Variants in FXR2 observed in about 807,000 individuals in gnomAD.
FXR2 encodes the protein FMR1 autosomal homolog 2, also known as RNA-binding protein FXR2.
FXR2 carries 9 observed loss-of-function variants against 87.3 expected under a neutral mutation model. The ratio of observed to expected loss-of-function variants is 0.10; its 90% CI spans 0.06 to 0.18. FXR2 has a LOEUF of 0.18. Among genes scored for constraint, FXR2 ranks in the 10% least tolerant of loss-of-function variants. The probability of loss-of-function intolerance (pLI) is 1.00; values close to 1 mark genes in which losing one functional copy is unlikely to be tolerated. For missense variants in FXR2, 661 were observed against 893.6 expected (o/e 0.74, Z 3.32); for synonymous variants, 331 against 328.3 (o/e 1.01, Z -0.09).
chr17:7,614,227 G>A (rs1176125463), intron 1 of FXR2: 3 of 685,780 alleles, frequency 4.4e-6, no homozygotes, highest in Non-Finnish European at 8.0e-6. Context: ...TCATTCTCCC[G>A]GAGATGGGGG....
Position 7,610,019 on chromosome 17 carries a change from T to C in FXR2, c.82-3870A>G, listed in dbSNP as rs1378304157. 3.7e-5 allele frequency among the ~76,000 whole-genome samples: 5 copies of C among 135,086 alleles called. 1 individual carries two copies. Among genetic ancestry groups the C allele is most frequent in the Admixed American group, 3.2e-4 (4 of 12,664 alleles). The allele number at this position is 135,086 out of a possible 152,430, so 88.6% of individuals were successfully genotyped here. A position where few individuals can be genotyped will look rare whatever the true frequency, so the allele number is the denominator to read the frequency against. ...GTATATGTATACATATATATATACA[T>C]GTATATGTATACATGTATGTATATA... On this transcript the variant is annotated intron_variant, in intron 1 of 16. Transcript: ENST00000250113.
At chr17:7,597,648 A>G (rs1034935688) in intron 7 of FXR2, among the ~76,000 whole-genome samples, 2 of 152,104 alleles carry the variant, frequency 1.3e-5, no homozygotes, top group African/African-American at 4.8e-5. Context: ...ACCTCAGGCA[A>G]TCCACCTGCC....
intron 7 of FXR2, among the ~76,000 whole-genome samples, chr17:7,601,011 C>T (rs1236905065): frequency 1.3e-5 from 2 of 150,344 alleles, no homozygotes; most frequent in East Asian, 2.0e-4. Flanking sequence ...AAAACCCCAT[C>T]TTACTAATAA....
chr17:7,604,217 T>A (rs1020962628), intron 3 of FXR2, 137 bp from the exon 4 acceptor site: 2 of 668,806 alleles, frequency 3.0e-6, no homozygotes, highest in Non-Finnish European at 5.4e-6. Context: ...GGACTGCTTA[T>A]GCCCAGGAGT....
chr17:7,592,222 G>A lies in FXR2; in HGVS notation c.1926+32C>T. On this transcript the variant is annotated intron_variant, in intron 16 of 16. Coordinates refer to ENST00000250113, the MANE Select transcript of FXR2 (RefSeq NM_004860.4). The surrounding 1 kb of genome is among the most constrained non-coding windows in gnomAD (Gnocchi z 4.8). ...CCTGCCCCAGAGTAACAACAAAAAAGGGATGGGGTAAAGCACATCTTGCCT... is the reference window on the plus strand; with the variant it reads ...CCTGCCCCAGAGTAACAACAAAAAAAGGATGGGGTAAAGCACATCTTGCCT... 6.4e-7 allele frequency: 1 copy of A among 1,554,314 alleles called. No individual in the cohort carries two copies. The highest frequency in any genetic ancestry group is 2.3e-5 in the East Asian group (1 of 44,286).
rs371961861 is a variant in FXR2 at position 7,613,371 on chromosome 17, ACT to A, written c.81+1079_81+1080del. Reference sequence around the variant, plus strand: ...AATACCAACAGTCACACAAAGAAAAACTCTTGGGAGGCAAGAAAGGGCTCTCT... The same window carrying A: ...AATACCAACAGTCACACAAAGAAAAACTTGGGAGGCAAGAAAGGGCTCTCT... On this transcript the variant is annotated intron_variant, in intron 1 of 16. Coordinates refer to ENST00000250113, the MANE Select transcript of FXR2 (RefSeq NM_004860.4). Among the ~76,000 whole-genome samples the A allele has an allele frequency of 6.7e-3, 1,016 of 151,984 alleles. 20 individuals are homozygous for A. Among genetic ancestry groups the A allele is most frequent in the African/African-American group, 0.022 (908 of 41,400 alleles).
Position 7,592,473 on chromosome 17 carries a change from G to A in FXR2, c.1825+31C>T, listed in dbSNP as rs1461076579. On this transcript the variant is annotated intron_variant, in intron 15 of 16. Coordinates refer to ENST00000250113, the MANE Select transcript of FXR2 (RefSeq NM_004860.4). The surrounding 1 kb of genome is among the most constrained non-coding windows in gnomAD (Gnocchi z 4.8). ...GAGCATCCCATTCTCTCAGCTCTGA[G>A]GAAGGATTCTGGTGTCCAGAGTTGG... 3 of 1,598,770 alleles carry A rather than the reference G, an allele frequency of 1.9e-6. No homozygotes were observed. The highest frequency in any genetic ancestry group is 2.7e-5 in the African/African-American group (2 of 74,760).
intron 1 of FXR2, among the ~76,000 whole-genome samples, chr17:7,608,138 TA>T (rs1308942880): frequency 1.1e-4 from 17 of 151,748 alleles, no homozygotes; most frequent in African/African-American, 3.1e-4. Context: ...TTTTTTTTAA[TA>T]GAGACAGGGT....
At chr17:7,613,048 A>T (rs1284542434) in intron 1 of FXR2, among the ~76,000 whole-genome samples, 1 of 151,572 alleles carries the variant, frequency 6.6e-6, no homozygotes, top group Admixed American at 6.6e-5. Flanking sequence ...TAGCAACTGA[A>T]GTACAGGCAG....
intron 7 of FXR2, among the ~76,000 whole-genome samples, chr17:7,599,693 A>G (rs1446227007): frequency 6.6e-6 from 1 of 151,988 alleles, no homozygotes; most frequent in Non-Finnish European, 1.5e-5. Flanking sequence ...CCTGGCCAAC[A>G]TGGTGAAACC....
At chr17:7,611,105 C>T (rs1344075077) in intron 1 of FXR2, among the ~76,000 whole-genome samples, 2 of 151,904 alleles carry the variant, frequency 1.3e-5, no homozygotes, top group Admixed American at 6.6e-5. Flanking sequence ...AAGATTGCGC[C>T]CTGGACGGTG....
chr17:7,592,514 G>T lies in FXR2; in HGVS notation c.1815C>A (p.Asp605Glu). The T allele has an allele frequency of 6.2e-7, 1 of 1,613,792 alleles. No individual in the cohort carries two copies. Residue 605 changes from aspartate (D) to glutamate (E), a missense_variant, in exon 15 of 17, where the codon GAC (aspartate) becomes GAA (glutamate). Coordinates refer to ENST00000250113, the MANE Select transcript of FXR2 (RefSeq NM_004860.4). The surrounding 1 kb of genome is among the most constrained non-coding windows in gnomAD (Gnocchi z 4.8). The part of the protein sequence containing the change: ...GNRTDGSISG[D>E]RQPVTVADYI... Reference sequence around the variant, plus strand: ...CCAGAGTTGGCTGACCTGGCTGGCGGTCTCCACTGATAGAGCCATCAGTCC... The same window carrying T: ...CCAGAGTTGGCTGACCTGGCTGGCGTTCTCCACTGATAGAGCCATCAGTCC...
chr17:7,592,641 C>T lies in FXR2; in HGVS notation c.1730-42G>A. The T allele has an allele frequency of 6.2e-7, 1 of 1,612,308 alleles. No individual in the cohort carries two copies. Among genetic ancestry groups the T allele is most frequent in the Non-Finnish European group, 8.5e-7 (1 of 1,178,474 alleles). ...AACCAGAGTCACACATCCAACCTCC[C>T]ACCCTCGATTCCTACCCATCTCTAA... On this transcript the variant is annotated intron_variant, in intron 14 of 16. Coordinates refer to ENST00000250113, the MANE Select transcript of FXR2 (RefSeq NM_004860.4). The surrounding 1 kb of genome is among the most constrained non-coding windows in gnomAD (Gnocchi z 4.8).
chr17:7,614,203 T>G (rs2071911813), intron 1 of FXR2: 1 of 678,734 alleles, frequency 1.5e-6, no homozygotes, highest in Non-Finnish European at 2.7e-6. Context: ...CCAGGGACAA[T>G]AATGGCCTGA....
intron 7 of FXR2, 64 bp from the exon 8 acceptor site, chr17:7,596,058 C>G: frequency 8.0e-7 from 1 of 1,246,238 alleles, no homozygotes; most frequent in South Asian, 1.3e-5. Context: ...GCACACGACC[C>G]TTTGCATAAC....
At chr17:7,596,661 A>G (rs1027992349) in intron 7 of FXR2, among the ~76,000 whole-genome samples, 3 of 152,206 alleles carry the variant, frequency 2.0e-5, no homozygotes, top group East Asian at 3.8e-4. Flanking sequence ...ATTATATCCA[A>G]CTTATCTTAT....
At position 7,594,183 on chromosome 17, in the gene FXR2, A is replaced by G. The variant is rs967855178; in HGVS notation, c.1020+55T>C. ...AGAACAATCCCAGCCCTCAGAGGAC[A>G]ATCCCATTTACTTCTGGAAACCAAT... On this transcript the variant is annotated intron_variant, in intron 10 of 16. Coordinates refer to ENST00000250113, the MANE Select transcript of FXR2 (RefSeq NM_004860.4). The surrounding 1 kb of genome is among the most constrained non-coding windows in gnomAD (Gnocchi z 5.1). 1.4e-4 allele frequency: 149 copies of G among 1,057,462 alleles called. No individual in the cohort carries two copies. The highest frequency in any genetic ancestry group is 2.0e-4 in the Non-Finnish European group (138 of 680,138). The allele number at this position is 1,057,462 out of a possible 1,614,324, so 65.5% of individuals were successfully genotyped here. A position where few individuals can be genotyped will look rare whatever the true frequency, so the allele number is the denominator to read the frequency against.
Position 7,592,164 on chromosome 17 carries a change from T to G in FXR2, c.1926+90A>C. On this transcript the variant is annotated intron_variant, in intron 16 of 16. Coordinates refer to ENST00000250113, the MANE Select transcript of FXR2 (RefSeq NM_004860.4). The surrounding 1 kb of genome is among the most constrained non-coding windows in gnomAD (Gnocchi z 4.8). Reference sequence around the variant, plus strand: ...CCATCAGACACAGCTGCCTCTGCAATTCAGTAGGAGATTTGTGAAATTTTT... The same window carrying G: ...CCATCAGACACAGCTGCCTCTGCAAGTCAGTAGGAGATTTGTGAAATTTTT... 2.6e-6 allele frequency: 4 copies of G among 1,554,100 alleles called. No homozygotes were observed. The highest frequency in any genetic ancestry group is 3.5e-6 in the Non-Finnish European group (4 of 1,144,704).
intron 3 of FXR2, 26 bp from the exon 4 acceptor site, chr17:7,604,106 G>T (rs759546900): frequency 1.3e-6 from 2 of 1,514,492 alleles, no homozygotes. Flanking sequence ...GAATCAAAGA[G>T]ATATTGAAGA....
Sources: allele counts gnomAD v4.1 joint callset (sites outside exome capture counted in the v4.1 genomes callset), GRCh38; gene constraint gnomAD v4.1.1; non-coding constraint Gnocchi (gnomAD v3.1); transcripts MANE v1.5; gene names NCBI Gene and HGNC (gene_info 2026-07-23, HGNC 2026-07-21).